Variants in TFEC observed in about 807,000 individuals in gnomAD.
TFEC encodes transcription factor EC.
Under a neutral mutation model 41.6 loss-of-function variants are expected in TFEC, and 31 were observed. The observed-to-expected ratio is 0.74, with a 90% CI of 0.56 to 1.01. TFEC has a LOEUF of 1.01. TFEC is among the 50% of genes least tolerant of loss of function. The probability of loss-of-function intolerance (pLI) is 0.00; values close to 1 mark genes in which losing one functional copy is unlikely to be tolerated. For missense variants in TFEC, 402 were observed against 404.1 expected (o/e 0.99, Z 0.04); for synonymous variants, 143 against 140.6 (o/e 1.02, Z -0.12).
chr7:116,049,287 T>A lies in TFEC; in HGVS notation c.198+61421A>T, dbSNP rs1054493727. Among the ~76,000 whole-genome samples the A allele has an allele frequency of 2.8e-4, 42 of 152,134 alleles. 1 individual carries two copies. The highest frequency in any genetic ancestry group is 3.4e-4 in the Non-Finnish European group (23 of 68,010). On this transcript the variant is annotated intron_variant, in intron 3 of 8. Transcript: ENST00000484212. ...CTCAAAATAAAGGGATGGAGGAAGA[T>A]CTACCAAGCAAATGGAAAACAAAAA...
At chr7:115,968,348 T>C (rs1253575034) in intron 3 of TFEC, 3 of 1,435,626 alleles carry the variant, frequency 2.1e-6, no homozygotes, top group Admixed American at 5.2e-5. Flanking sequence ...TTAAGACTAA[T>C]CTTGTCTAGA....
At chr7:116,045,102 C>T (rs181463778) in intron 3 of TFEC, among the ~76,000 whole-genome samples, 258 of 152,274 alleles carry the variant, frequency 1.7e-3, no homozygotes, top group Middle Eastern at 6.8e-3. Flanking sequence ...GAGGTTGGAA[C>T]AGTTTAGAGG....
intron 1 of TFEC, among the ~76,000 whole-genome samples, chr7:116,001,460 A>T (rs1419955889): frequency 6.6e-6 from 1 of 151,374 alleles, no homozygotes; most frequent in Non-Finnish European, 1.5e-5. Context: ...ATGCCACTGC[A>T]CTCCAGCCTG....
intron 4 of TFEC, among the ~76,000 whole-genome samples, chr7:115,956,134 T>G (rs999179804): frequency 6.6e-6 from 1 of 151,984 alleles, no homozygotes. Context: ...TTGACTATGC[T>G]CCTATAATTT....
At chr7:116,068,839 C>T (rs1257120136) in intron 3 of TFEC, among the ~76,000 whole-genome samples, 6 of 151,296 alleles carry the variant, frequency 4.0e-5, no homozygotes, top group African/African-American at 1.2e-4. Context: ...TCTCATTTTT[C>T]GCTGTAACAT....
chr7:115,955,699 T>A (rs1471910848), intron 4 of TFEC, among the ~76,000 whole-genome samples: 1 of 152,058 alleles, frequency 6.6e-6, no homozygotes, highest in Non-Finnish European at 1.5e-5. Flanking sequence ...TTACTTCAAG[T>A]TGCTAAATTT....
intron 1 of TFEC, among the ~76,000 whole-genome samples, chr7:116,007,056 G>A (rs559928644): frequency 6.6e-6 from 1 of 152,298 alleles, no homozygotes; most frequent in South Asian, 2.1e-4. Context: ...TGTTGGGTGT[G>A]TAATTACCAG....
chr7:116,146,095 C>G (rs1798635432), intron 1 of TFEC, among the ~76,000 whole-genome samples: 1 of 152,158 alleles, frequency 6.6e-6, no homozygotes, highest in African/African-American at 2.4e-5. Context: ...ATAATGTTAA[C>G]TAGCAGTTTA....
intron 3 of TFEC, among the ~76,000 whole-genome samples, chr7:116,092,429 C>T (rs553140150): frequency 1.3e-5 from 2 of 152,200 alleles, no homozygotes; most frequent in African/African-American, 2.4e-5. Flanking sequence ...ATACATCTTT[C>T]GTGTATTCCA....
intron 6 of TFEC, among the ~76,000 whole-genome samples, chr7:115,947,791 T>C (rs1263560960): frequency 6.6e-6 from 1 of 152,064 alleles, no homozygotes. Flanking sequence ...GTAAATTTGT[T>C]TAAGTTCATT....
chr7:116,101,575 T>C (rs1191605262), intron 3 of TFEC, among the ~76,000 whole-genome samples: 2 of 152,148 alleles, frequency 1.3e-5, no homozygotes, highest in Non-Finnish European at 2.9e-5. Context: ...ATAGTAAACC[T>C]GACTGGCTCT....
chr7:115,983,408 G>T (rs1295988735), intron 2 of TFEC, among the ~76,000 whole-genome samples: 1 of 151,958 alleles, frequency 6.6e-6, no homozygotes, highest in African/African-American at 2.4e-5. Flanking sequence ...GTGCCTGGAG[G>T]CTACAGGCTT....
intron 1 of TFEC, among the ~76,000 whole-genome samples, chr7:115,991,070 A>G (rs1401342231): frequency 6.6e-6 from 1 of 152,214 alleles, no homozygotes; most frequent in Non-Finnish European, 1.5e-5. Flanking sequence ...GAGGGGGGCC[A>G]GTACTCAAAA....
At chr7:115,950,827 G>C (rs1258839761) in intron 6 of TFEC, 47 bp downstream of exon 6, 6 of 1,418,374 alleles carry the variant, frequency 4.2e-6, no homozygotes, top group Non-Finnish European at 3.9e-6. Flanking sequence ...TTCATTTTGG[G>C]GGTCTTTAAA....
intron 3 of TFEC, among the ~76,000 whole-genome samples, chr7:115,970,538 A>G (rs1176731434): frequency 6.6e-6 from 1 of 151,908 alleles, no homozygotes; most frequent in East Asian, 1.9e-4. Context: ...CTGTTTGGTT[A>G]GGTTTGCTTT....
chr7:116,058,638 GGGCAATAAAACAAATATTAATA>G (rs1796483146), intron 3 of TFEC, among the ~76,000 whole-genome samples: 1 of 151,476 alleles, frequency 6.6e-6, no homozygotes, highest in Admixed American at 6.6e-5. Flanking sequence ...GTCATACTAT[GGGCAATAAAACAAATATTAATA>G]AATTTAAAAG....
chr7:115,985,706 T>G (rs572627146), intron 1 of TFEC, among the ~76,000 whole-genome samples: 2 of 152,120 alleles, frequency 1.3e-5, no homozygotes, highest in East Asian at 3.9e-4. Context: ...ATAAAATAAT[T>G]TTTCAGTCAT....
chr7:116,081,875 C>A (rs1023273779), intron 3 of TFEC, among the ~76,000 whole-genome samples: 13 of 152,032 alleles, frequency 8.6e-5, no homozygotes, highest in Non-Finnish European at 1.3e-4. Context: ...CTTCATCTTG[C>A]GCCTTTCTTG....
intron 3 of TFEC, among the ~76,000 whole-genome samples, chr7:116,067,105 C>T (rs1050013841): frequency 2.0e-5 from 3 of 151,882 alleles, no homozygotes; most frequent in African/African-American, 2.4e-5. Flanking sequence ...AATTATTGCA[C>T]GTGGTACCTC....
Sources: gnomAD v4.1 joint callset for allele counts (sites outside exome capture counted in the v4.1 genomes callset) on GRCh38, gnomAD v4.1.1 for gene constraint, MANE v1.5 for transcripts, NCBI Gene and HGNC (gene_info 2026-07-23, HGNC 2026-07-21) for gene names.